Variants in TCF7L2 observed in about 807,000 individuals in gnomAD.
The protein encoded by TCF7L2 is transcription factor 7 like 2.
Under a neutral mutation model 77.9 loss-of-function variants are expected in TCF7L2, and 23 were observed. That is an observed-to-expected ratio of 0.30 (90% confidence interval 0.21 to 0.42). The LOEUF is 0.42. Among genes scored for constraint, TCF7L2 ranks in the 10% least tolerant of loss-of-function variants. The probability of loss-of-function intolerance (pLI) is 1.00; values close to 1 mark genes in which losing one functional copy is unlikely to be tolerated. For missense variants in TCF7L2, 654 were observed against 793.1 expected, an observed-to-expected ratio of 0.82 and a Z score of 2.11; for synonymous variants, 413 against 340.2, an observed-to-expected ratio of 1.21 and a Z score of -2.36.
intron 7 of TCF7L2, among the ~76,000 whole-genome samples, chr10:113,145,335 G>C (rs1208018477): frequency 6.6e-5 from 10 of 152,080 alleles, no homozygotes; most frequent in Non-Finnish European, 1.5e-4. Flanking sequence ...ATATTTGAAG[G>C]CTAGATAAAA....
intron 5 of TCF7L2, among the ~76,000 whole-genome samples, chr10:113,080,055 C>G (rs537747317): frequency 6.6e-6 from 1 of 152,040 alleles, no homozygotes; most frequent in South Asian, 2.1e-4. Context: ...CACACATGCA[C>G]CACAGACACA....
chr10:113,078,952 C>A (rs1381876699), intron 5 of TCF7L2, among the ~76,000 whole-genome samples: 1 of 152,096 alleles, frequency 6.6e-6, no homozygotes, highest in African/African-American at 2.4e-5. Flanking sequence ...CCTGCCTCAG[C>A]CTCCCGAGTA....
chr10:113,141,261 C>G lies in TCF7L2; in HGVS notation c.630C>G (p.His210Gln), dbSNP rs1478464843. Residue 210 changes from histidine (H) to glutamine (Q), a missense_variant, in exon 6 of 14, where the codon CAC becomes CAG. Physicochemically the swap from His to Gln is conservative, Grantham distance 24. Coordinates refer to ENST00000627217, the MANE Select transcript of TCF7L2 (RefSeq NM_001146274.2). ...CTCTTATCACGTACAGCAATGAACA[C>G]TTCACGCCGGGAAACCCACCTCCAC... The G allele has an allele frequency of 6.2e-7, 1 of 1,614,198 alleles. No individual in the cohort carries two copies. The highest frequency in any genetic ancestry group is 8.5e-7 in the Non-Finnish European group (1 of 1,180,044).
chr10:112,960,986 C>T (rs1447612427), intron 3 of TCF7L2, among the ~76,000 whole-genome samples: 1 of 152,128 alleles, frequency 6.6e-6, no homozygotes, highest in Non-Finnish European at 1.5e-5. Flanking sequence ...AGCCATTGCG[C>T]CCAGCCTGGG....
chr10:113,019,825 G>C lies in TCF7L2; in HGVS notation c.451-20200G>C, dbSNP rs2047992090. The stretch of plus-strand genomic sequence containing the variant: ...TTTTTTTTTTTTCATGTGGACTTCA[G>C]CCAGTCTTGACACCTGCCCCTTAAC... On this transcript the variant is annotated intron_variant, in intron 4 of 13. Transcript: ENST00000627217. 2.0e-5 allele frequency among the ~76,000 whole-genome samples: 3 copies of C among 151,462 alleles called. No homozygotes were observed. The South Asian group carries it at 6.3e-4, about 32-fold the overall frequency.
intron 4 of TCF7L2, among the ~76,000 whole-genome samples, chr10:112,977,572 G>T (rs2039658490): frequency 6.6e-6 from 1 of 152,202 alleles, no homozygotes; most frequent in Admixed American, 6.5e-5. Flanking sequence ...GAACTGGCGT[G>T]ATGTTAGCAA....
intron 5 of TCF7L2, among the ~76,000 whole-genome samples, chr10:113,075,382 C>T (rs746664048): frequency 1.6e-4 from 24 of 151,698 alleles, no homozygotes; most frequent in Non-Finnish European, 3.1e-4. Flanking sequence ...TCGCTTGAAC[C>T]TGGGAGGTGG....
intron 5 of TCF7L2, among the ~76,000 whole-genome samples, chr10:113,117,256 G>T (rs1321911162): frequency 6.6e-6 from 1 of 151,964 alleles, no homozygotes; most frequent in African/African-American, 2.4e-5. Context: ...TATTAATGTG[G>T]TACTCGCACT....
intron 4 of TCF7L2, among the ~76,000 whole-genome samples, chr10:112,966,837 C>T (rs34210369): frequency 0.011 from 1,738 of 152,274 alleles, 14 homozygotes; most frequent in Non-Finnish European, 0.018. Flanking sequence ...GGACTGAAAC[C>T]ATTACTATTC....
intron 5 of TCF7L2, among the ~76,000 whole-genome samples, chr10:113,103,811 A>G (rs563021703): frequency 3.8e-4 from 58 of 152,292 alleles, no homozygotes; most frequent in African/African-American, 1.3e-3. Context: ...ATGGTGGGCT[A>G]CACTAGGAGG....
rs2030636389 is a variant in TCF7L2 at position 112,950,349 on chromosome 10, T to TA, written c.-406dup. 4.0e-6 allele frequency: 1 copy of TA among 248,522 alleles called. No individual in the cohort carries two copies. The highest frequency in any genetic ancestry group is 2.2e-5 in the African/African-American group (1 of 44,684). 15.4% of individuals were successfully genotyped at this position (248,522 alleles called of 1,614,324 possible). ...CCTTTGAACTGAAAAGCTCTCAGTC[T>TA]AACTTCAACTCACTCAAATCCGAGC... On this transcript the variant is annotated 5_prime_UTR_variant, in exon 1 of 14. Transcript: ENST00000627217.
intron 3 of TCF7L2, chr10:112,951,920 T>TC (rs2134224400): frequency 6.6e-6 from 1 of 150,928 alleles, no homozygotes; most frequent in East Asian, 2.0e-4. Flanking sequence ...GAACTTTCCT[T>TC]TGCGTTCTGG....
At chr10:113,035,118 G>A (rs1443628026) in intron 4 of TCF7L2, among the ~76,000 whole-genome samples, 1 of 152,102 alleles carries the variant, frequency 6.6e-6, no homozygotes, top group Admixed American at 6.5e-5. Context: ...AAAAGAGGGG[G>A]TAGTTATTTT....
chr10:113,125,500 G>A (rs2065445958), intron 5 of TCF7L2: 1 of 151,570 alleles, frequency 6.6e-6, no homozygotes, highest in South Asian at 2.1e-4. Context: ...CCCCCGAATT[G>A]TTTAAAAAAA....
chr10:113,003,175 G>A (rs2044801995), intron 4 of TCF7L2, among the ~76,000 whole-genome samples: 1 of 152,086 alleles, frequency 6.6e-6, no homozygotes, highest in Admixed American at 6.5e-5. Flanking sequence ...TATGCAAGTC[G>A]GCCTTCTCCA....
chr10:113,075,256 C>T (rs750189688), intron 5 of TCF7L2, among the ~76,000 whole-genome samples: 2 of 152,054 alleles, frequency 1.3e-5, no homozygotes, highest in Admixed American at 6.5e-5. Context: ...GTCAGGAGTT[C>T]GAGACCAGCC....
intron 5 of TCF7L2, chr10:113,126,194 T>C (rs1488284867): frequency 6.6e-6 from 1 of 152,006 alleles, no homozygotes; most frequent in East Asian, 1.9e-4. Flanking sequence ...TTTAATGATC[T>C]ATATTGGTTT....
chr10:113,150,652 A>C (rs1184369179), intron 8 of TCF7L2, among the ~76,000 whole-genome samples: 1 of 152,218 alleles, frequency 6.6e-6, no homozygotes, highest in Non-Finnish European at 1.5e-5. Context: ...TTGTCTTCTT[A>C]GATGCCACTA....
chr10:113,160,487 C>A, intron 12 of TCF7L2: 1 of 647,784 alleles, frequency 1.5e-6, no homozygotes, highest in Non-Finnish European at 2.4e-6. Context: ...CTTTCATGTC[C>A]TTGGTGAGGG....
Sources: gnomAD v4.1 joint callset for allele counts (sites outside exome capture counted in the v4.1 genomes callset) on GRCh38, gnomAD v4.1.1 for gene constraint, MANE v1.5 for transcripts, NCBI Gene and HGNC (gene_info 2026-07-23, HGNC 2026-07-21) for gene names.